Variants in ZNF354C observed in about 807,000 individuals in gnomAD.
The protein encoded by ZNF354C is KRAB-zinc finger protein synten.
In ZNF354C, 7 loss-of-function variants were observed where a neutral mutation model predicts 12.4. That is an observed-to-expected ratio of 0.56 (90% CI 0.32 to 1.06). The LOEUF (loss-of-function observed/expected upper bound fraction) is 1.06, where lower values mean the gene tolerates loss of function less well. Ranked by LOEUF, ZNF354C falls within the 50% of genes least tolerant of loss-of-function variation. The pLI is 0.04. For synonymous variants in ZNF354C, 202 were observed against 224.5 expected (o/e 0.90, Z 0.90); for missense variants, 609 against 658.0 (o/e 0.93, Z 0.81).
At chr5:179,061,666 G>A (rs1448550443) in intron 1 of ZNF354C, among the ~76,000 whole-genome samples, 2 of 152,022 alleles carry the variant, frequency 1.3e-5, no homozygotes, top group African/African-American at 2.4e-5. Flanking sequence ...GGCAGGATGA[G>A]GATCAGCTAG....
chr5:179,063,688 A>C (rs746604803), intron 2 of ZNF354C, among the ~76,000 whole-genome samples: 1 of 152,260 alleles, frequency 6.6e-6, no homozygotes, highest in Non-Finnish European at 1.5e-5. Context: ...AGGACTGTTA[A>C]TATCTGGATT....
At position 179,081,146 on chromosome 5, in the gene ZNF354C, G is replaced by GTGT. The variant is rs1762221882; in HGVS notation, c.*1051_*1053dup. ...ATAGTTGCAGTAATTTAAAGTTACTGTGTTATCTTTAAGGGCTTCCTCTCA... is the reference window on the plus strand; with the variant it reads ...ATAGTTGCAGTAATTTAAAGTTACTGTGTTGTTATCTTTAAGGGCTTCCTCTCA... On this transcript the variant is annotated 3_prime_UTR_variant, in exon 5 of 5. Coordinates refer to ENST00000315475, the MANE Select transcript of ZNF354C (RefSeq NM_014594.3). 1.3e-5 allele frequency: 2 copies of GTGT among 152,088 alleles called. No homozygotes were observed. Among genetic ancestry groups the GTGT allele is most frequent in the Admixed American group, 1.3e-4 (2 of 15,274 alleles). The allele number at this position is 152,088 out of a possible 1,614,324, so 9.4% of individuals were successfully genotyped here.
At chr5:179,065,694 C>T (rs1298842616) in intron 2 of ZNF354C, among the ~76,000 whole-genome samples, 1 of 152,158 alleles carries the variant, frequency 6.6e-6, no homozygotes, top group Non-Finnish European at 1.5e-5. Context: ...GGATTACAGG[C>T]AGGAGCCCCC....
At chr5:179,067,804 C>T (rs1281464614) in intron 2 of ZNF354C, among the ~76,000 whole-genome samples, 2 of 151,934 alleles carry the variant, frequency 1.3e-5, no homozygotes, top group Non-Finnish European at 2.9e-5. Context: ...GCCAAGATGG[C>T]GCCACTGCAC....
At position 179,076,600 on chromosome 5, in the gene ZNF354C, C is replaced by T. The variant is rs771476514; in HGVS notation, c.154+29C>T. 1.5e-5 allele frequency: 24 copies of T among 1,612,460 alleles called. No homozygotes were observed. In the South Asian group the frequency reaches 2.5e-4, roughly 17 times the overall value. On this transcript the variant is annotated intron_variant, in intron 3 of 4. Coordinates refer to ENST00000315475, the MANE Select transcript of ZNF354C (RefSeq NM_014594.3). Reference sequence around the variant, plus strand: ...AGAATTTTTGCCTATGACGAAGAATCTGTTATAGGAACGCCTCACAGGTCC... The same window carrying T: ...AGAATTTTTGCCTATGACGAAGAATTTGTTATAGGAACGCCTCACAGGTCC...
chr5:179,066,842 C>T (rs1026019514), intron 2 of ZNF354C, among the ~76,000 whole-genome samples: 1 of 151,406 alleles, frequency 6.6e-6, no homozygotes, highest in South Asian at 2.1e-4. Flanking sequence ...GGTAGTCATC[C>T]TGCTTGGCCT....
chr5:179,066,738 AG>A (rs1561747967), intron 2 of ZNF354C, among the ~76,000 whole-genome samples: 19 of 152,260 alleles, frequency 1.2e-4, no homozygotes, highest in Admixed American at 1.2e-3. Context: ...TGTTCTCTAT[AG>A]GTAAGATCTT....
At chr5:179,065,645 G>C (rs568148966) in intron 2 of ZNF354C, among the ~76,000 whole-genome samples, 5 of 152,044 alleles carry the variant, frequency 3.3e-5, no homozygotes, top group Non-Finnish European at 5.9e-5. Context: ...CGAACTCTTG[G>C]CCTCAAGTGA....
At position 179,080,262 on chromosome 5, in the gene ZNF354C, T is replaced by C; in HGVS notation, c.*165T>C. 1 of 466,664 alleles carries C rather than the reference T, an allele frequency of 2.1e-6. No homozygotes were observed. The highest frequency in any genetic ancestry group is 5.5e-5 in the South Asian group (1 of 18,094). The allele number at this position is 466,664 out of a possible 1,614,324, so 28.9% of individuals were successfully genotyped here. On this transcript the variant is annotated 3_prime_UTR_variant, in exon 5 of 5. Coordinates refer to ENST00000315475, the MANE Select transcript of ZNF354C (RefSeq NM_014594.3). ...CAGTGAGACTATGAAGAGCACTGAC[T>C]TGTTAAATTTTAAAAGAACCATAAA...
rs112115338 is a variant in ZNF354C, at chr5:179,060,969, G to C, written c.-55+303G>C. ...GGGGCCTGGGGCTAGGATCAGGATT[G>C]CCTTCCCGGCCCTTATGACTTTGGG... On this transcript the variant is annotated intron_variant, in intron 1 of 4. Coordinates refer to ENST00000315475, the MANE Select transcript of ZNF354C (RefSeq NM_014594.3). This position sits in a 1 kb window ranked among gnomAD's most constrained non-coding sequence, Gnocchi z 4.2. 1.4e-4 allele frequency among the ~76,000 whole-genome samples: 22 copies of C among 152,334 alleles called. No individual in the cohort carries two copies. Among genetic ancestry groups the C allele is most frequent in the African/African-American group, 4.8e-4 (20 of 41,592 alleles).
chr5:179,075,126 G>A (rs970611375), intron 2 of ZNF354C, among the ~76,000 whole-genome samples: 2 of 152,092 alleles, frequency 1.3e-5, no homozygotes, highest in African/African-American at 4.8e-5. Flanking sequence ...GGGTGTGGTG[G>A]TGGGCGCCTG....
chr5:179,082,555 T>C lies in ZNF354C; in HGVS notation c.*2458T>C. ...AAGCTGTTAAAACTGGTGTAATAGC[T>C]CAAAAGAACTAAGTATTCCAGATTT... On this transcript the variant is annotated 3_prime_UTR_variant, in exon 5 of 5. Transcript: ENST00000315475. The C allele has an allele frequency of 2.5e-6, 2 of 790,934 alleles. No individual in the cohort carries two copies. Among genetic ancestry groups the C allele is most frequent in the Admixed American group, 1.8e-5 (1 of 54,798 alleles). 49.0% of individuals were successfully genotyped at this position (790,934 alleles called of 1,614,324 possible). A position where few individuals can be genotyped will look rare whatever the true frequency, so the allele number is the denominator to read the frequency against.
At chr5:179,070,016 C>A (rs1173469640) in intron 2 of ZNF354C, among the ~76,000 whole-genome samples, 2 of 152,202 alleles carry the variant, frequency 1.3e-5, no homozygotes, top group African/African-American at 2.4e-5. Context: ...AGGTCTCCAA[C>A]CCCCAGTTTT....
chr5:179,062,345 T>C (rs1172798581), intron 2 of ZNF354C, among the ~76,000 whole-genome samples: 1 of 152,204 alleles, frequency 6.6e-6, no homozygotes. Flanking sequence ...GTTCTGAGCA[T>C]ATGCTTCCCA....
rs1211542684 is a variant in ZNF354C, at chr5:179,079,048, T to A, written c.616T>A (p.Cys206Ser). 6.2e-7 allele frequency: 1 copy of A among 1,613,220 alleles called. No homozygotes were observed. Among genetic ancestry groups the A allele is most frequent in the Non-Finnish European group, 8.5e-7 (1 of 1,179,922 alleles). ...DFKQNFDLMK[C>S]FQIYPGGKPH... ...TAAACAGAATTTTGATCTCATGAAA[T>A]GCTTCCAGATTTACCCAGGAGGAAA... Residue 206 changes from cysteine to serine, a missense_variant, in exon 5 of 5, where the codon TGC (cysteine) becomes AGC (serine). By Grantham distance (112) the Cys-to-Ser change is moderately radical. Coordinates refer to ENST00000315475, the MANE Select transcript of ZNF354C (RefSeq NM_014594.3). The surrounding 1 kb of genome is among the most constrained non-coding windows in gnomAD (Gnocchi z 4.2).
intron 2 of ZNF354C, among the ~76,000 whole-genome samples, chr5:179,069,822 C>CTT (rs1561748903): frequency 9.6e-5 from 14 of 145,364 alleles, no homozygotes; most frequent in South Asian, 4.5e-4. Flanking sequence ...GCCGAGATTG[C>CTT]GCCCCTGCAC....
chr5:179,076,648 G>A (rs1482639002), intron 3 of ZNF354C, 77 bp downstream of exon 3: 1 of 1,563,336 alleles, frequency 6.4e-7, no homozygotes, highest in East Asian at 2.2e-5. Flanking sequence ...CCGAGCCTGT[G>A]GTCTTGTACC....
chr5:179,080,088 TG>T lies in ZNF354C; in HGVS notation c.1657del (p.Glu553ArgfsTer8), dbSNP rs1762204717. On this transcript the variant is annotated frameshift_variant, in exon 5 of 5. Transcript: ENST00000315475. LOFTEE classifies it high-confidence loss of function. Reference sequence around the variant, plus strand: ...GATTTTTTAAAGGAGATAAAGCCTATGAGGTTTAGTTCATCTCTCAAATAAT... The same window carrying T: ...GATTTTTTAAAGGAGATAAAGCCTATAGGTTTAGTTCATCTCTCAAATAAT... ...QRFFKGDKAY[E>X]V 1.3e-6 allele frequency: 2 copies of T among 1,567,666 alleles called. No homozygotes were observed. The highest frequency in any genetic ancestry group is 1.7e-6 in the Non-Finnish European group (2 of 1,162,210).
intron 2 of ZNF354C, among the ~76,000 whole-genome samples, chr5:179,073,081 C>T (rs189629101): frequency 3.9e-5 from 6 of 152,078 alleles, no homozygotes; most frequent in South Asian, 2.1e-4. Flanking sequence ...TTTGAATGAC[C>T]GCTGGCTTCT....
Sources: gnomAD v4.1 joint callset for allele counts (sites outside exome capture counted in the v4.1 genomes callset) on GRCh38, gnomAD v4.1.1 for gene constraint, Gnocchi (gnomAD v3.1) non-coding constraint, MANE v1.5 for transcripts, NCBI Gene and HGNC (gene_info 2026-07-23, HGNC 2026-07-21) for gene names.